The following C1QTNF7 variants were observed in gnomAD, a reference collection of about 807,000 sequenced individuals.
The protein encoded by C1QTNF7 is complement C1q tumor necrosis factor-related protein 7.
In C1QTNF7, 15 loss-of-function variants were observed where a neutral mutation model predicts 19.6. That is an observed-to-expected ratio of 0.76 (90% CI 0.51 to 1.18). The LOEUF is 1.18. Ranked by LOEUF, C1QTNF7 falls within the 50% of genes most tolerant of loss-of-function variation. The probability of loss-of-function intolerance (pLI) is 0.00; values close to 1 mark genes in which losing one functional copy is unlikely to be tolerated. For synonymous variants in C1QTNF7, 142 were observed against 137.5 expected, an observed-to-expected ratio of 1.03 and a Z score of -0.23; for missense variants, 324 against 359.7, an observed-to-expected ratio of 0.90 and a Z score of 0.80.
chr4:15,395,793 T>C (rs1477456881), intron 1 of C1QTNF7, among the ~76,000 whole-genome samples: 1 of 152,016 alleles, frequency 6.6e-6, no homozygotes, highest in Non-Finnish European at 1.5e-5. Context: ...GAAACACATA[T>C]TAGTATCACC....
intron 2 of C1QTNF7, among the ~76,000 whole-genome samples, chr4:15,437,927 C>A (rs1401683597): frequency 6.6e-6 from 1 of 152,118 alleles, no homozygotes; most frequent in Non-Finnish European, 1.5e-5. Context: ...CAAAATTGCA[C>A]CTGGTTGAGA....
chr4:15,397,336 T>C (rs1368281559), intron 1 of C1QTNF7, among the ~76,000 whole-genome samples: 1 of 152,152 alleles, frequency 6.6e-6, no homozygotes, highest in Non-Finnish European at 1.5e-5. Flanking sequence ...CCCTAAGACC[T>C]CTCGGAGACT....
chr4:15,380,686 G>C (rs1319147268), intron 1 of C1QTNF7, among the ~76,000 whole-genome samples: 1 of 152,198 alleles, frequency 6.6e-6, no homozygotes, highest in Non-Finnish European at 1.5e-5. Flanking sequence ...TGTAATCCCA[G>C]CACTTTGGGA....
intron 1 of C1QTNF7, among the ~76,000 whole-genome samples, chr4:15,431,724 C>T (rs933574165): frequency 1.3e-5 from 2 of 152,162 alleles, no homozygotes; most frequent in Non-Finnish European, 2.9e-5. Flanking sequence ...TCTCCTCTTT[C>T]TCCAGCCATG....
chr4:15,399,168 T>C (rs1348561508), intron 1 of C1QTNF7, among the ~76,000 whole-genome samples: 1 of 152,216 alleles, frequency 6.6e-6, no homozygotes, highest in African/African-American at 2.4e-5. Context: ...ATCAGGAACC[T>C]GCTGATCACC....
At chr4:15,382,073 T>C (rs1217860981) in intron 1 of C1QTNF7, among the ~76,000 whole-genome samples, 1 of 152,216 alleles carries the variant, frequency 6.6e-6, no homozygotes, top group Non-Finnish European at 1.5e-5. Flanking sequence ...ACTTCAGTGT[T>C]TGTTTCCAAG....
At chr4:15,388,509 G>A (rs1053987262) in intron 1 of C1QTNF7, among the ~76,000 whole-genome samples, 1 of 152,200 alleles carries the variant, frequency 6.6e-6, no homozygotes, top group South Asian at 2.1e-4. Flanking sequence ...CAGTGTGCAA[G>A]TGAAGTCAAG....
upstream of C1QTNF7, among the ~76,000 whole-genome samples, chr4:15,426,017 C>A (rs1343392656): frequency 1.3e-5 from 2 of 152,140 alleles, no homozygotes; most frequent in African/African-American, 4.8e-5. Context: ...AGAAAACTAA[C>A]AAAAGCTACA....
chr4:15,372,754 C>T (rs1717780139), intron 1 of C1QTNF7, among the ~76,000 whole-genome samples: 1 of 152,122 alleles, frequency 6.6e-6, no homozygotes, highest in Non-Finnish European at 1.5e-5. Context: ...ACCGTGGATG[C>T]CTTTCTGTGT....
chr4:15,398,373 C>A (rs993968212), intron 1 of C1QTNF7, among the ~76,000 whole-genome samples: 6 of 152,128 alleles, frequency 3.9e-5, no homozygotes, highest in South Asian at 2.1e-4. Context: ...GACCACCCCC[C>A]CTCCCTGCCC....
chr4:15,374,418 T>C (rs1343679625), intron 1 of C1QTNF7: 1 of 282,258 alleles, frequency 3.5e-6, no homozygotes, highest in Admixed American at 6.5e-5. Flanking sequence ...CCAGACTCAC[T>C]GTGCTATTTC....
At chr4:15,425,297 C>A (rs1243583163), upstream of C1QTNF7, among the ~76,000 whole-genome samples, 1 of 152,114 alleles carries the variant, frequency 6.6e-6, no homozygotes, top group African/African-American at 2.4e-5. Flanking sequence ...AGCTAAAGTG[C>A]ATGGCAGATC....
In C1QTNF7 at chr4:15,382,068, A is replaced by T. The variant is rs144011287; in HGVS notation, c.13+41861A>T. Among the ~76,000 whole-genome samples, 189 of 152,326 alleles carry T rather than the reference A, an allele frequency of 1.2e-3. 1 individual carries two copies. The highest frequency in any genetic ancestry group is 4.3e-3 in the African/African-American group (178 of 41,582). On this transcript the variant is annotated intron_variant, in intron 1 of 2. Transcript: ENST00000295297. Reference sequence around the variant, plus strand: ...TGGTGACATTTTAAAAAGTGACTTCAGTGTTTGTTTCCAAGGGATATAATT... The same window carrying T: ...TGGTGACATTTTAAAAAGTGACTTCTGTGTTTGTTTCCAAGGGATATAATT...
At chr4:15,395,105 G>C (rs1399056569) in intron 1 of C1QTNF7, among the ~76,000 whole-genome samples, 1 of 152,228 alleles carries the variant, frequency 6.6e-6, no homozygotes, top group African/African-American at 2.4e-5. Context: ...GCAGAAGGGA[G>C]AGAAGAGAGA....
chr4:15,340,321 TA>T, intron 1 of C1QTNF7: 1 of 1,266,912 alleles, frequency 7.9e-7, no homozygotes, highest in African/African-American at 1.5e-5. Flanking sequence ...GGGGAACTTG[TA>T]AAAATATGTC....
chr4:15,358,811 A>T (rs545820850), intron 1 of C1QTNF7: 4 of 152,398 alleles, frequency 2.6e-5, no homozygotes, highest in Admixed American at 2.6e-4. Context: ...AAATAGGACC[A>T]AGGAGTGTGG....
intron 1 of C1QTNF7, among the ~76,000 whole-genome samples, chr4:15,422,105 G>C (rs141660854): frequency 6.6e-6 from 1 of 151,478 alleles, no homozygotes; most frequent in Non-Finnish European, 1.5e-5. Context: ...TTTTTTAGTG[G>C]TGGTTATACA....
In C1QTNF7 at chr4:15,371,714, C is replaced by T. The variant is rs562662290; in HGVS notation, c.13+31507C>T. Among the ~76,000 whole-genome samples the T allele has an allele frequency of 6.6e-5, 10 of 152,040 alleles. No individual in the cohort carries two copies. In the East Asian group the frequency reaches 7.7e-4, roughly 12 times the overall value. On this transcript the variant is annotated intron_variant, in intron 1 of 2. Transcript: ENST00000295297. ...GAGGGTCAGATTAAAGAAAACATCC[C>T]GGGGAAGAAGCATGTGAGTTCAGTT...
At chr4:15,367,411 T>C (rs1717564577) in intron 1 of C1QTNF7, among the ~76,000 whole-genome samples, 2 of 152,174 alleles carry the variant, frequency 1.3e-5, no homozygotes, top group Non-Finnish European at 2.9e-5. Context: ...CATTCATATA[T>C]CACTTATACA....
Sources: allele counts gnomAD v4.1 joint callset (sites outside exome capture counted in the v4.1 genomes callset), GRCh38; gene constraint gnomAD v4.1.1; transcripts MANE v1.5; gene names NCBI Gene and HGNC (gene_info 2026-07-23, HGNC 2026-07-21).